Variants in IL1R1 observed in about 807,000 individuals in gnomAD.
IL1R1 encodes interleukin 1 receptor type 1.
Under a neutral mutation model 50.2 loss-of-function variants are expected in IL1R1, and 22 were observed. The ratio of observed to expected loss-of-function variants is 0.44; its 90% confidence interval spans 0.31 to 0.63. The LOEUF is 0.63. IL1R1 is among the 20% of genes least tolerant of loss of function. The probability of loss-of-function intolerance (pLI) is 0.07; values close to 1 mark genes in which losing one functional copy is unlikely to be tolerated. For synonymous variants in IL1R1, 251 were observed against 236.7 expected, an observed-to-expected ratio of 1.06 and a Z score of -0.55; for missense variants, 509 against 676.2, an observed-to-expected ratio of 0.75 and a Z score of 2.74.
intron 1 of IL1R1, among the ~76,000 whole-genome samples, chr2:102,125,488 C>T (rs899434949): frequency 6.6e-6 from 1 of 152,070 alleles, no homozygotes; most frequent in African/African-American, 2.4e-5. Flanking sequence ...GGGTTGAGGA[C>T]AGTCATGAAG....
intron 1 of IL1R1, among the ~76,000 whole-genome samples, chr2:102,076,850 G>A (rs1393966959): frequency 2.0e-5 from 3 of 151,880 alleles, no homozygotes; most frequent in African/African-American, 4.8e-5. Flanking sequence ...TATTTGGGGG[G>A]TTTGTAGCCA....
intron 1 of IL1R1, among the ~76,000 whole-genome samples, chr2:102,079,556 C>T (rs951292754): frequency 2.0e-5 from 3 of 152,048 alleles, no homozygotes; most frequent in Non-Finnish European, 4.4e-5. Context: ...AAGACTTGTA[C>T]ACTAAAAGTA....
At chr2:102,157,574 T>C in intron 2 of IL1R1, 145 bp from the exon 3 acceptor site, 1 of 656,892 alleles carries the variant, frequency 1.5e-6, no homozygotes, top group Non-Finnish European at 2.7e-6. Context: ...TATGACAACA[T>C]TCATGATGTA....
intron 1 of IL1R1, among the ~76,000 whole-genome samples, chr2:102,123,566 A>G (rs1261560729): frequency 6.6e-6 from 1 of 152,208 alleles, no homozygotes; most frequent in Non-Finnish European, 1.5e-5. Context: ...ACCTGAGGTC[A>G]GGAGTTCCAG....
At chr2:102,162,818 A>T (rs914354570) in intron 3 of IL1R1, among the ~76,000 whole-genome samples, 3 of 152,176 alleles carry the variant, frequency 2.0e-5, no homozygotes, top group Non-Finnish European at 4.4e-5. Context: ...TTTAAATAAT[A>T]AGAAAGATGA....
chr2:102,126,442 T>C (rs1681711922), intron 1 of IL1R1, among the ~76,000 whole-genome samples: 1 of 152,252 alleles, frequency 6.6e-6, no homozygotes, highest in African/African-American at 2.4e-5. Flanking sequence ...AAGTTTAACT[T>C]GTCCTCAATT....
intron 1 of IL1R1, among the ~76,000 whole-genome samples, chr2:102,119,906 T>C (rs1030791010): frequency 6.6e-6 from 1 of 152,220 alleles, no homozygotes; most frequent in African/African-American, 2.4e-5. Flanking sequence ...TCAGAACTTA[T>C]TCATTTCATG....
At position 102,177,310 on chromosome 2, in the gene IL1R1, G is replaced by A. The variant is rs1028544034; in HGVS notation, c.*551G>A. On this transcript the variant is annotated 3_prime_UTR_variant, in exon 12 of 12. Coordinates refer to ENST00000410023, the MANE Select transcript of IL1R1 (RefSeq NM_000877.4). The stretch of plus-strand genomic sequence containing the variant: ...CCTCTCTGAATGTTTGAACTGCCAA[G>A]AAAAGGCATGGAGACAGCGAACTAG... The A allele has an allele frequency of 1.3e-5, 2 of 158,430 alleles. No individual in the cohort carries two copies. Among genetic ancestry groups the A allele is most frequent in the African/African-American group, 4.8e-5 (2 of 41,546 alleles). The allele number at this position is 158,430 out of a possible 1,614,324, so 9.8% of individuals were successfully genotyped here.
intron 1 of IL1R1, among the ~76,000 whole-genome samples, chr2:102,113,158 A>G (rs1372941442): frequency 6.6e-6 from 1 of 152,280 alleles, no homozygotes; most frequent in African/African-American, 2.4e-5. Flanking sequence ...TCAGCCTGTG[A>G]CAATGGTATA....
intron 3 of IL1R1, among the ~76,000 whole-genome samples, chr2:102,160,319 A>G (rs1684602715): frequency 6.6e-6 from 1 of 152,070 alleles, no homozygotes; most frequent in Non-Finnish European, 1.5e-5. Context: ...GATTTTGTGA[A>G]AGAATCTGCT....
chr2:102,128,481 A>G (rs1431725005), intron 1 of IL1R1, among the ~76,000 whole-genome samples: 6 of 152,220 alleles, frequency 3.9e-5, no homozygotes, highest in African/African-American at 1.2e-4. Flanking sequence ...ATGTTTAAAT[A>G]CTTTTTATGT....
At chr2:102,137,553 G>A (rs1002680825) in intron 1 of IL1R1, among the ~76,000 whole-genome samples, 13 of 152,152 alleles carry the variant, frequency 8.5e-5, no homozygotes, top group East Asian at 1.9e-4. Context: ...TGGTGGTCTC[G>A]GGACAGTCAT....
At chr2:102,117,933 A>G (rs1002415808) in intron 1 of IL1R1, among the ~76,000 whole-genome samples, 3 of 150,840 alleles carry the variant, frequency 2.0e-5, no homozygotes, top group Non-Finnish European at 4.4e-5. Context: ...AAAAATATAT[A>G]ATTTTTCTAA....
At chr2:102,157,667 G>A in intron 2 of IL1R1, 52 bp from the exon 3 acceptor site, 1 of 1,205,990 alleles carries the variant, frequency 8.3e-7, no homozygotes, top group Non-Finnish European at 1.2e-6. Context: ...GAGATTTGCT[G>A]GAAAAGTAAC....
At chr2:102,123,604 C>T (rs1681522947) in intron 1 of IL1R1, among the ~76,000 whole-genome samples, 1 of 151,928 alleles carries the variant, frequency 6.6e-6, no homozygotes, top group Non-Finnish European at 1.5e-5. Flanking sequence ...GGCGAAACCC[C>T]ACCTCTACTA....
Position 102,134,620 on chromosome 2 carries a change from C to T in IL1R1, c.-83-19321C>T, listed in dbSNP as rs913277744. Among the ~76,000 whole-genome samples, 38 of 152,074 alleles carry T rather than the reference C, an allele frequency of 2.5e-4. 1 individual carries two copies. The highest frequency in any genetic ancestry group is 2.1e-3 in the Admixed American group (32 of 15,262). The stretch of plus-strand genomic sequence containing the variant: ...CTCGAGCTCCCGAGCTTAGGTGATC[C>T]GTCCACCTCGGCCTCCAAAAGTGCT... On this transcript the variant is annotated intron_variant, in intron 1 of 10. Coordinates refer to the IL1R1 transcript ENST00000409329.
intron 1 of IL1R1, among the ~76,000 whole-genome samples, chr2:102,106,958 T>C (rs1680449493): frequency 1.3e-5 from 2 of 152,166 alleles, no homozygotes; most frequent in Admixed American, 1.3e-4. Flanking sequence ...CCTTTGCATC[T>C]CCTTGATGCA....
chr2:102,141,010 A>G (rs1016202211), upstream of IL1R1, among the ~76,000 whole-genome samples: 2 of 152,218 alleles, frequency 1.3e-5, no homozygotes, highest in Non-Finnish European at 1.5e-5. Context: ...GCACAAATCA[A>G]TTTCACTTTC....
chr2:102,131,582 T>G (rs1390130982), intron 1 of IL1R1, among the ~76,000 whole-genome samples: 10 of 151,686 alleles, frequency 6.6e-5, no homozygotes, highest in Admixed American at 6.6e-4. Context: ...TGGATGAGAT[T>G]AATAGCAGAT....
Sources: gnomAD v4.1 joint callset for allele counts (sites outside exome capture counted in the v4.1 genomes callset) on GRCh38, gnomAD v4.1.1 for gene constraint, MANE v1.5 for transcripts, NCBI Gene and HGNC (gene_info 2026-07-23, HGNC 2026-07-21) for gene names.